Variants in BIRC6 observed in about 807,000 individuals in gnomAD.
BIRC6 encodes baculoviral IAP repeat containing 6.
A neutral mutation model predicts 503.3 loss-of-function variants in BIRC6; 98 were observed. The ratio of observed to expected loss-of-function variants is 0.19; its 90% CI spans 0.17 to 0.23. BIRC6 has a LOEUF of 0.23. BIRC6 is among the 10% of genes least tolerant of loss of function. BIRC6 has a pLI of 1.00. For missense variants in BIRC6, 5,360 were observed against 5,806.0 expected, an observed-to-expected ratio of 0.92 and a Z score of 2.50; for synonymous variants, 2,240 against 2,078.7, an observed-to-expected ratio of 1.08 and a Z score of -2.11.
At chr2:32,375,827 G>T (rs1383989865) in intron 1 of BIRC6, among the ~76,000 whole-genome samples, 1 of 149,764 alleles carries the variant, frequency 6.7e-6, no homozygotes, top group South Asian at 2.1e-4. Flanking sequence ...AGCATCACTA[G>T]TGTTACCTTT....
In BIRC6 at chr2:32,415,030, C is replaced by A. The variant is rs1420312755; in HGVS notation, c.1739C>A (p.Thr580Asn). The change falls in exon 10 of 74, where the codon ACC becomes AAC. Residue 580 changes from threonine (T) to asparagine (N), a missense_variant. By Grantham distance (65) the Thr-to-Asn change is moderately conservative (BLOSUM62 0). Transcript: ENST00000421745. ...TTATTAACATATAAATCTCCTGCTA[C>A]CTCACCCATTAGTAGTAATTCTCAC... ...GGLLTYKSPATSPISSNSHRS... is the reference protein window; with the variant it reads ...GGLLTYKSPANSPISSNSHRS... 4 of 1,613,870 alleles carry A rather than the reference C, an allele frequency of 2.5e-6. No individual in the cohort carries two copies. The East Asian group carries it at 8.9e-5, about 36-fold the overall frequency.
intron 9 of BIRC6, among the ~76,000 whole-genome samples, chr2:32,409,462 A>C (rs1191559671): frequency 6.6e-6 from 1 of 152,154 alleles, no homozygotes; most frequent in Non-Finnish European, 1.5e-5. Flanking sequence ...GGCCTATTGA[A>C]ATATATTTCT....
In BIRC6 at chr2:32,488,616, C is replaced by G; in HGVS notation, c.7997C>G (p.Thr2666Arg). The change falls in exon 42 of 74, where the codon ACA (threonine) becomes AGA (arginine). Residue 2666 changes from threonine to arginine, a missense_variant. Around this residue, in one of 16 missense-constraint regions of BIRC6, gnomAD observed 2,299 missense variants for 2,267.2 expected, o/e 1.01. Coordinates refer to ENST00000421745, the MANE Select transcript of BIRC6 (RefSeq NM_016252.4). ...QLESLLQLWLTLSLNSSSTGN... is the reference protein window; with the variant it reads ...QLESLLQLWLRLSLNSSSTGN... The stretch of plus-strand genomic sequence containing the variant: ...GAGTCACTTCTCCAATTGTGGCTCA[C>G]ACTGAGCCTGAATTCTAGTTCAACT... 6.5e-7 allele frequency: 1 copy of G among 1,535,972 alleles called. No homozygotes were observed. Among genetic ancestry groups the G allele is most frequent in the Non-Finnish European group, 8.8e-7 (1 of 1,137,934 alleles).
intron 10 of BIRC6, among the ~76,000 whole-genome samples, chr2:32,421,845 A>G (rs2042983606): frequency 6.6e-6 from 1 of 152,188 alleles, no homozygotes; most frequent in African/African-American, 2.4e-5. Context: ...TTTCACTTGT[A>G]TACGTGTATG....
chr2:32,465,075 G>A lies in BIRC6; in HGVS notation c.5267G>A (p.Gly1756Asp). 2 of 1,591,822 alleles carry A rather than the reference G, an allele frequency of 1.3e-6. No individual in the cohort carries two copies. Among genetic ancestry groups the A allele is most frequent in the Non-Finnish European group, 1.7e-6 (2 of 1,167,192 alleles). Residue 1756 changes from glycine (G) to aspartate (D), a missense_variant, in exon 26 of 74, where the codon GGT becomes GAT. Around this residue, in one of 16 missense-constraint regions of BIRC6, gnomAD observed 2,299 missense variants for 2,267.2 expected, o/e 1.01. Coordinates refer to ENST00000421745, the MANE Select transcript of BIRC6 (RefSeq NM_016252.4). Reference protein sequence around the residue: ...NSNKSRMNPLGSGLALAISHA... With the variant: ...NSNKSRMNPLDSGLALAISHA... ...TTTTCCCTGCTCTAGAATCCACTTG[G>A]TTCTGGTCTAGCCCTTGCAATTTCT...
intron 55 of BIRC6, 30 bp downstream of exon 55, chr2:32,515,800 T>G (rs779318158): frequency 1.3e-6 from 2 of 1,551,842 alleles, no homozygotes; most frequent in African/African-American, 2.7e-5. Flanking sequence ...TACATTTTAG[T>G]TGTTTTATTA....
In BIRC6 at chr2:32,525,449, A is replaced by G. The variant is rs533323828; in HGVS notation, c.11756-15A>G. 1.9e-6 allele frequency: 3 copies of G among 1,613,770 alleles called. No individual in the cohort carries two copies. The Admixed American group carries it at 5.0e-5, about 27-fold the overall frequency. ...GTGTTGACTATGTAGAATCTTACTG[A>G]TCCTTTTCTTTTAGGGCTGAAGTCT... is the stretch of plus-strand genomic sequence containing the variant. On this transcript the variant is annotated splice_polypyrimidine_tract_variant and intron_variant, in intron 58 of 73. Coordinates refer to ENST00000421745, the MANE Select transcript of BIRC6 (RefSeq NM_016252.4).
chr2:32,376,405 A>C (rs2036789862), intron 1 of BIRC6, among the ~76,000 whole-genome samples: 1 of 151,966 alleles, frequency 6.6e-6, no homozygotes, highest in Admixed American at 6.6e-5. Flanking sequence ...TTAATACTGT[A>C]TTTTTTACAT....
chr2:32,455,845 T>C (rs2047204986), intron 23 of BIRC6, among the ~76,000 whole-genome samples: 1 of 152,182 alleles, frequency 6.6e-6, no homozygotes, highest in Non-Finnish European at 1.5e-5. Flanking sequence ...CACCTCTTTA[T>C]TTCACCCAAA....
chr2:32,547,017 A>G (rs2058099487), intron 63 of BIRC6, among the ~76,000 whole-genome samples: 1 of 152,152 alleles, frequency 6.6e-6, no homozygotes, highest in Admixed American at 6.6e-5. Flanking sequence ...GTATATCTTC[A>G]GTGGGTTAGA....
At chr2:32,614,248 T>C (rs1464306154) in intron 73 of BIRC6, among the ~76,000 whole-genome samples, 12 of 152,288 alleles carry the variant, frequency 7.9e-5, no homozygotes, top group Middle Eastern at 3.4e-3. Context: ...TTCTGTTGAG[T>C]TCCCACAGCT....
chr2:32,504,082 T>C (rs887390819), intron 49 of BIRC6, among the ~76,000 whole-genome samples: 11 of 129,144 alleles, frequency 8.5e-5, no homozygotes, highest in African/African-American at 1.8e-4. Context: ...GTGTGTTTAG[T>C]AGAGATGGGG....
At chr2:32,443,464 C>T in intron 19 of BIRC6, 27 bp from the exon 20 acceptor site, 1 of 1,510,368 alleles carries the variant, frequency 6.6e-7, no homozygotes, top group African/African-American at 1.4e-5. Flanking sequence ...AATGTCTTTA[C>T]AATTTTTCTT....
intron 1 of BIRC6, among the ~76,000 whole-genome samples, chr2:32,366,092 G>A (rs1344920379): frequency 6.6e-6 from 1 of 151,832 alleles, no homozygotes; most frequent in Non-Finnish European, 1.5e-5. Context: ...GCTGGACTTG[G>A]ACTCCTGACC....
At chr2:32,361,898 C>T (rs1055258185) in intron 1 of BIRC6, among the ~76,000 whole-genome samples, 3 of 152,150 alleles carry the variant, frequency 2.0e-5, no homozygotes, top group African/African-American at 7.2e-5. Context: ...AATAATATTC[C>T]ATTGTCTGGA....
In BIRC6 at chr2:32,618,285, T is replaced by C. The variant is rs1330721849; in HGVS notation, c.*381T>C. Reference sequence around the variant, plus strand: ...AACAAAGAATATATATTGGTCATTCTTACAACTACTATTTAAAGTCAGCAA... The same window carrying C: ...AACAAAGAATATATATTGGTCATTCCTACAACTACTATTTAAAGTCAGCAA... On this transcript the variant is annotated 3_prime_UTR_variant, in exon 74 of 74. Coordinates refer to ENST00000421745, the MANE Select transcript of BIRC6 (RefSeq NM_016252.4). The C allele has an allele frequency of 1.3e-5, 2 of 154,696 alleles. No individual in the cohort carries two copies. The highest frequency in any genetic ancestry group is 3.8e-4 in the East Asian group (2 of 5,282). The allele number at this position is 154,696 out of a possible 1,614,324, so 9.6% of individuals were successfully genotyped here.
chr2:32,420,239 G>A (rs1022377799), intron 10 of BIRC6, among the ~76,000 whole-genome samples: 20 of 152,106 alleles, frequency 1.3e-4, no homozygotes, highest in African/African-American at 4.6e-4. Context: ...AATGAGTTGG[G>A]AAGTATTCGC....
chr2:32,525,670 G>A, intron 59 of BIRC6, 42 bp downstream of exon 59: 1 of 1,564,200 alleles, frequency 6.4e-7, no homozygotes, highest in Non-Finnish European at 8.7e-7. Flanking sequence ...AATTTTAGTA[G>A]CCTTAAAACT....
At chr2:32,414,061 G>A (rs1289728256) in intron 9 of BIRC6, among the ~76,000 whole-genome samples, 6 of 152,108 alleles carry the variant, frequency 3.9e-5, no homozygotes, top group Non-Finnish European at 8.8e-5. Flanking sequence ...AGAGGCCGAG[G>A]CGGGTGGATT....
Sources: gnomAD v4.1 joint callset for allele counts (sites outside exome capture counted in the v4.1 genomes callset) on GRCh38, gnomAD v4.1.1 for gene constraint, gnomAD v4.1.1 regional missense constraint, MANE v1.5 for transcripts, NCBI Gene and HGNC (gene_info 2026-07-23, HGNC 2026-07-21) for gene names.